Variants in UBXN2A observed in about 807,000 individuals in gnomAD.
UBXN2A encodes UBX domain protein 2A, also known as UBX domain-containing protein 2A.
UBXN2A carries 28 observed loss-of-function variants against 28.4 expected under a neutral mutation model. The observed-to-expected ratio is 0.99, with a 90% CI of 0.73 to 1.35. The LOEUF (loss-of-function observed/expected upper bound fraction) is 1.35. Among genes scored for constraint, UBXN2A ranks in the 40% most tolerant of loss-of-function variants. The pLI, the probability that UBXN2A is intolerant of heterozygous loss-of-function variation, is 0.00. For missense variants in UBXN2A, 253 were observed against 297.9 expected (o/e 0.85, Z 1.11); for synonymous variants, 97 against 103.6 (o/e 0.94, Z 0.39).
upstream of UBXN2A, among the ~76,000 whole-genome samples, chr2:23,938,879 G>A (rs1240390036): frequency 6.6e-6 from 1 of 152,218 alleles, no homozygotes; most frequent in Non-Finnish European, 1.5e-5. Flanking sequence ...AATCGGAAGA[G>A]CTCTCACAGA....
intron 6 of UBXN2A, among the ~76,000 whole-genome samples, chr2:23,985,293 G>A (rs1203663781): frequency 6.6e-6 from 1 of 151,936 alleles, no homozygotes; most frequent in Non-Finnish European, 1.5e-5. Flanking sequence ...CTGTTGCCCA[G>A]GCTGGAGTGT....
At chr2:23,979,676 C>T (rs749321242) in intron 4 of UBXN2A, among the ~76,000 whole-genome samples, 2 of 152,088 alleles carry the variant, frequency 1.3e-5, no homozygotes, top group Non-Finnish European at 2.9e-5. Context: ...TCAAGTGGTC[C>T]TCCTACCTCC....
chr2:23,978,728 C>T (rs989111795), intron 4 of UBXN2A, among the ~76,000 whole-genome samples: 24 of 152,132 alleles, frequency 1.6e-4, no homozygotes, highest in African/African-American at 1.7e-4. Context: ...CTTTGGGAGG[C>T]GGAGGCGGGT....
intron 1 of UBXN2A, among the ~76,000 whole-genome samples, chr2:23,957,494 G>C (rs1337699966): frequency 1.3e-5 from 2 of 151,990 alleles, no homozygotes; most frequent in Admixed American, 6.6e-5. Context: ...AGAAGAGACA[G>C]GGTTTCACCA....
In UBXN2A at chr2:23,995,834, A is replaced by G. The variant is rs181065063; in HGVS notation, c.585-3838A>G. 4.3e-3 allele frequency among the ~76,000 whole-genome samples: 661 copies of G among 152,288 alleles called. 1 individual carries two copies. The highest frequency in any genetic ancestry group is 7.3e-3 in the Non-Finnish European group (494 of 68,026). ...TTATAGCAATATTTTTAGGAGCACTACTTCAATAAAAGCCATTTCATCAAT... is the reference window on the plus strand; with the variant it reads ...TTATAGCAATATTTTTAGGAGCACTGCTTCAATAAAAGCCATTTCATCAAT... On this transcript the variant is annotated intron_variant, in intron 6 of 6. Transcript: ENST00000309033.
chr2:23,985,528 A>G (rs1708089403), intron 6 of UBXN2A, among the ~76,000 whole-genome samples: 1 of 152,008 alleles, frequency 6.6e-6, no homozygotes, highest in Admixed American at 6.6e-5. Context: ...CTAGGATTAC[A>G]GGAGTGAGCC....
intron 1 of UBXN2A, among the ~76,000 whole-genome samples, chr2:23,928,310 T>C (rs1323822237): frequency 1.3e-5 from 2 of 152,208 alleles, no homozygotes; most frequent in Non-Finnish European, 2.9e-5. Flanking sequence ...CAGGCCGGGC[T>C]TACGCCTGTA....
chr2:23,989,013 TG>T (rs1708238790), intron 6 of UBXN2A, among the ~76,000 whole-genome samples: 1 of 152,160 alleles, frequency 6.6e-6, no homozygotes, highest in African/African-American at 2.4e-5. Context: ...ACAGCGGTAT[TG>T]ACAATCCAGG....
intron 1 of UBXN2A, among the ~76,000 whole-genome samples, chr2:23,934,678 C>T (rs956015599): frequency 1.3e-5 from 2 of 152,130 alleles, no homozygotes; most frequent in Non-Finnish European, 2.9e-5. Context: ...TCAGTCTGTA[C>T]ACTTATAACT....
At chr2:23,943,131 AT>A (rs1223162405) in intron 1 of UBXN2A, among the ~76,000 whole-genome samples, 1 of 151,546 alleles carries the variant, frequency 6.6e-6, no homozygotes, top group Non-Finnish European at 1.5e-5. Context: ...AGTTTTTTGT[AT>A]TTTTGGTAGA....
chr2:23,944,385 A>G (rs181875170), intron 1 of UBXN2A: 8 of 1,359,398 alleles, frequency 5.9e-6, no homozygotes, highest in East Asian at 2.3e-5. Context: ...CTTCCTACAC[A>G]TTATTGTATT....
chr2:23,947,192 C>T (rs893964412), intron 1 of UBXN2A, among the ~76,000 whole-genome samples: 2 of 152,090 alleles, frequency 1.3e-5, no homozygotes, highest in East Asian at 1.9e-4. Flanking sequence ...CCTGGCCTAA[C>T]GTAAGCATTT....
upstream of UBXN2A, among the ~76,000 whole-genome samples, chr2:23,938,430 C>T (rs1046931248): frequency 2.0e-5 from 3 of 151,968 alleles, no homozygotes; most frequent in Admixed American, 6.6e-5. Flanking sequence ...CATGCCATTG[C>T]ACTCCAGCCT....
At position 23,984,041 on chromosome 2, in the gene UBXN2A, G is replaced by A. The variant is rs143606502; in HGVS notation, c.426-632G>A. ...GTTCTGTGATCTATGTATGAATTTTGAGGTAATAAAAATGAAAATCAGTGT... is the reference window on the plus strand; with the variant it reads ...GTTCTGTGATCTATGTATGAATTTTAAGGTAATAAAAATGAAAATCAGTGT... On this transcript the variant is annotated intron_variant, in intron 5 of 6. Transcript: ENST00000309033. Among the ~76,000 whole-genome samples, 9 of 152,256 alleles carry A rather than the reference G, an allele frequency of 5.9e-5. No homozygotes were observed. The East Asian group carries it at 1.7e-3, about 29-fold the overall frequency.
At chr2:23,978,418 C>T (rs1301181528) in intron 4 of UBXN2A, among the ~76,000 whole-genome samples, 1 of 150,910 alleles carries the variant, frequency 6.6e-6, no homozygotes, top group Admixed American at 6.6e-5. Flanking sequence ...CCGAGGCGTG[C>T]AGATCACGAG....
chr2:23,975,181 T>A (rs1707602903), intron 3 of UBXN2A, among the ~76,000 whole-genome samples: 1 of 152,166 alleles, frequency 6.6e-6, no homozygotes. Flanking sequence ...CAGTGATGCA[T>A]GAGTAAAAGA....
At position 23,999,847 on chromosome 2, in the gene UBXN2A, A is replaced by G; in HGVS notation, c.760A>G (p.Arg254Gly). 5.0e-6 allele frequency: 8 copies of G among 1,612,696 alleles called. No homozygotes were observed. The highest frequency in any genetic ancestry group is 6.8e-6 in the Non-Finnish European group (8 of 1,179,626). ...IQRLQKTASF[R>G]ELSEH ...GAGACTCCAAAAAACTGCATCTTTT[A>G]GAGAACTTTCAGAGCACTGATTTTT... Residue 254 changes from arginine (R) to glycine (G), a missense_variant, in exon 7 of 7, where the codon AGA becomes GGA. Transcript: ENST00000309033.
chr2:23,989,560 T>G (rs181800136), intron 6 of UBXN2A, among the ~76,000 whole-genome samples: 25 of 151,770 alleles, frequency 1.6e-4, no homozygotes, highest in African/African-American at 5.8e-4. Context: ...GCCTTATTTC[T>G]ATATTTTTAT....
chr2:23,996,148 CCT>C (rs530271849), intron 6 of UBXN2A, among the ~76,000 whole-genome samples: 71 of 150,920 alleles, frequency 4.7e-4, no homozygotes, highest in African/African-American at 1.6e-3. Context: ...CTCACTGCAA[CCT>C]CTGTTTCCTG....
Sources: allele counts gnomAD v4.1 joint callset (sites outside exome capture counted in the v4.1 genomes callset), GRCh38; gene constraint gnomAD v4.1.1; transcripts MANE v1.5; gene names NCBI Gene and HGNC (gene_info 2026-07-23, HGNC 2026-07-21).